THSD7A: variants seen among roughly 807,000 people sequenced by gnomAD.
THSD7A encodes thrombospondin type-1 domain-containing protein 7A.
A neutral mutation model predicts 231.3 loss-of-function variants in THSD7A; 96 were observed. That is an observed-to-expected ratio of 0.41 (90% CI 0.35 to 0.49). The LOEUF is 0.49. Among genes scored for constraint, THSD7A ranks in the 20% least tolerant of loss-of-function variants. The pLI is 0.05. For synonymous variants in THSD7A, 940 were observed against 743.3 expected, an observed-to-expected ratio of 1.26 and a Z score of -4.30; for missense variants, 2,290 against 2,070.2, an observed-to-expected ratio of 1.11 and a Z score of -2.06.
At chr7:11,484,272 G>T (rs1243216387) in intron 6 of THSD7A, among the ~76,000 whole-genome samples, 1 of 152,006 alleles carries the variant, frequency 6.6e-6, no homozygotes. Flanking sequence ...CTCACATTTA[G>T]GTTGAAGCTT....
At chr7:11,455,744 T>G (rs1785287470) in intron 11 of THSD7A, among the ~76,000 whole-genome samples, 1 of 152,066 alleles carries the variant, frequency 6.6e-6, no homozygotes, top group South Asian at 2.1e-4. Flanking sequence ...CCTGTGTTGC[T>G]TTAACTCATT....
chr7:11,388,889 G>C (rs529579615), intron 23 of THSD7A, among the ~76,000 whole-genome samples: 1 of 152,262 alleles, frequency 6.6e-6, no homozygotes, highest in African/African-American at 2.4e-5. Context: ...GGAGCAGGTT[G>C]TTCAGTTTCC....
chr7:11,528,954 T>C (rs1383123992), intron 6 of THSD7A, among the ~76,000 whole-genome samples: 1 of 152,184 alleles, frequency 6.6e-6, no homozygotes, highest in African/African-American at 2.4e-5. Flanking sequence ...TTTAATTGCC[T>C]TTCTACAGCA....
intron 20 of THSD7A, 32 bp from the exon 21 acceptor site, chr7:11,407,087 T>C (rs1195498442): frequency 1.2e-6 from 2 of 1,611,438 alleles, no homozygotes; most frequent in East Asian, 2.2e-5. Flanking sequence ...GCACCTTTAA[T>C]ATATGTTATG....
chr7:11,573,088 T>C (rs1790718035), intron 4 of THSD7A, among the ~76,000 whole-genome samples: 1 of 152,184 alleles, frequency 6.6e-6, no homozygotes, highest in Non-Finnish European at 1.5e-5. Flanking sequence ...ACTGTGACAG[T>C]GTGGACCTTC....
rs1255692700 is a variant in THSD7A, at chr7:11,740,173, A to C, written c.190+91584T>G. On this transcript the variant is annotated intron_variant, in intron 1 of 27. Coordinates refer to ENST00000423059, the MANE Select transcript of THSD7A (RefSeq NM_015204.3). ...TCTCACTCCTCAGTGGCTTCAAGGT[A>C]GTCCTAGGACAGTCATAAGGCACAG... is the stretch of plus-strand genomic sequence containing the variant. Among the ~76,000 whole-genome samples the C allele has an allele frequency of 4.6e-5, 7 of 151,932 alleles. No individual in the cohort carries two copies. The East Asian group carries it at 1.4e-3, about 30-fold the overall frequency.
At chr7:11,529,530 T>C (rs1788615015) in intron 6 of THSD7A, among the ~76,000 whole-genome samples, 1 of 152,076 alleles carries the variant, frequency 6.6e-6, no homozygotes, top group South Asian at 2.1e-4. Context: ...GTTTCCCCCA[T>C]GCTGCTCTTG....
intron 2 of THSD7A, among the ~76,000 whole-genome samples, chr7:11,615,911 T>C (rs559783130): frequency 6.6e-6 from 1 of 152,324 alleles, no homozygotes; most frequent in East Asian, 1.9e-4. Flanking sequence ...TATTTATTTA[T>C]GTCTTCTATT....
chr7:11,748,923 T>C (rs936117467), intron 1 of THSD7A, among the ~76,000 whole-genome samples: 3 of 152,034 alleles, frequency 2.0e-5, no homozygotes, highest in Non-Finnish European at 4.4e-5. Flanking sequence ...TTTTGCAGTT[T>C]ATAGCTGCAG....
chr7:11,804,201 T>G (rs1020736984), intron 1 of THSD7A, among the ~76,000 whole-genome samples: 1 of 152,256 alleles, frequency 6.6e-6, no homozygotes, highest in South Asian at 2.1e-4. Context: ...TTTATTCCAA[T>G]TGATAAAATG....
chr7:11,440,829 T>G (rs1016197419), intron 13 of THSD7A, among the ~76,000 whole-genome samples: 1 of 152,046 alleles, frequency 6.6e-6, no homozygotes, highest in Non-Finnish European at 1.5e-5. Context: ...GAATTTAGAA[T>G]ATTACATAAA....
intron 2 of THSD7A, among the ~76,000 whole-genome samples, chr7:11,621,288 G>A (rs6980366): frequency 0.19 from 28,926 of 151,998 alleles, 5,513 homozygotes; most frequent in African/African-American, 0.49. Context: ...TCAATACTGC[G>A]TTTCCAAATC....
At chr7:11,755,013 G>A (rs1342898090) in intron 1 of THSD7A, among the ~76,000 whole-genome samples, 6 of 152,094 alleles carry the variant, frequency 3.9e-5, no homozygotes, top group Admixed American at 2.6e-4. Context: ...TTGACAATAC[G>A]CAGACACTAA....
At position 11,716,614 on chromosome 7, in the gene THSD7A, A is replaced by G. The variant is rs377472457; in HGVS notation, c.191-79653T>C. On this transcript the variant is annotated intron_variant, in intron 1 of 27. Coordinates refer to ENST00000423059, the MANE Select transcript of THSD7A (RefSeq NM_015204.3). ...TTCAGTGAAATAATCAGACAATCCA[A>G]TAGACTATACAGTAGGGGTTTTTTT... is the stretch of plus-strand genomic sequence containing the variant. Among the ~76,000 whole-genome samples, 817 of 125,798 alleles carry G rather than the reference A, an allele frequency of 6.5e-3. 5 individuals carry two copies. Among genetic ancestry groups the G allele is most frequent in the African/African-American group, 0.022 (781 of 35,506 alleles). 82.5% of individuals were successfully genotyped at this position (125,798 alleles called of 152,430 possible). A position where few individuals can be genotyped will look rare whatever the true frequency, so the allele number is the denominator to read the frequency against.
chr7:11,421,302 C>T (rs1784134150), intron 16 of THSD7A, among the ~76,000 whole-genome samples: 2 of 152,110 alleles, frequency 1.3e-5, no homozygotes, highest in African/African-American at 2.4e-5. Flanking sequence ...AGTGAGTTCT[C>T]ATGAGATCTG....
At chr7:11,404,754 A>G (rs557039575) in intron 22 of THSD7A, among the ~76,000 whole-genome samples, 1 of 152,098 alleles carries the variant, frequency 6.6e-6, no homozygotes, top group African/African-American at 2.4e-5. Flanking sequence ...TTTATTTTTA[A>G]ATTTTATTTT....
intron 6 of THSD7A, among the ~76,000 whole-genome samples, chr7:11,499,724 T>C (rs1433926813): frequency 2.0e-5 from 3 of 152,176 alleles, no homozygotes; most frequent in African/African-American, 7.2e-5. Flanking sequence ...ATCTCAGAAC[T>C]TGAAGACTGG....
chr7:11,452,863 G>A (rs1047913156), intron 11 of THSD7A, among the ~76,000 whole-genome samples: 2 of 151,996 alleles, frequency 1.3e-5, no homozygotes, highest in Non-Finnish European at 2.9e-5. Flanking sequence ...AATTCTAGAA[G>A]TTTTAAATAA....
chr7:11,723,568 G>C (rs979800405), intron 1 of THSD7A, among the ~76,000 whole-genome samples: 2 of 151,748 alleles, frequency 1.3e-5, no homozygotes, highest in African/African-American at 4.8e-5. Flanking sequence ...GATATACCAG[G>C]CAAATTCAAA....
Sources: allele counts gnomAD v4.1 joint callset (sites outside exome capture counted in the v4.1 genomes callset), GRCh38; gene constraint gnomAD v4.1.1; transcripts MANE v1.5; gene names NCBI Gene and HGNC (gene_info 2026-07-23, HGNC 2026-07-21).